LLGL2: variants seen among roughly 807,000 people sequenced by gnomAD.
LLGL2 encodes the protein LLGL scribble cell polarity complex component 2.
In LLGL2, 81 loss-of-function variants were observed where a neutral mutation model predicts 123.2. The observed-to-expected ratio is 0.66, with a 90% CI of 0.55 to 0.79. The LOEUF is 0.79. LLGL2 is among the 30% of genes least tolerant of loss of function. The pLI, the probability that LLGL2 is intolerant of heterozygous loss-of-function variation, is 0.00. For missense variants in LLGL2, 1,273 were observed against 1,414.6 expected, an observed-to-expected ratio of 0.90 and a Z score of 1.61; for synonymous variants, 577 against 594.1, an observed-to-expected ratio of 0.97 and a Z score of 0.42.
Position 75,573,091 on chromosome 17 carries a change from C to T in LLGL2, c.2538C>T (p.Val846=). The change falls in exon 20 of 26, where the codon GTC becomes GTT. Residue 846 remains valine (V), a synonymous_variant. Coordinates refer to ENST00000392550, the MANE Select transcript of LLGL2 (RefSeq NM_001031803.2). ...TGGAGGGCTCAAGAGTGCGGCGGGT[C>T]AGCGTGGCCCACTTCGGCAGTCGTC... ...TALEGSRVRR[V]SVAHFGSRRA... is the part of the protein sequence containing the mutation. 1.2e-6 allele frequency: 2 copies of T among 1,612,698 alleles called. No homozygotes were observed. Among genetic ancestry groups the T allele is most frequent in the Non-Finnish European group, 1.7e-6 (2 of 1,179,896 alleles).
intron 2 of LLGL2, among the ~76,000 whole-genome samples, chr17:75,548,641 A>G (rs2054535682): frequency 1.3e-5 from 2 of 151,548 alleles, no homozygotes; most frequent in South Asian, 4.2e-4. Context: ...CTGTAATCCC[A>G]GCTACTTGAG....
chr17:75,574,526 G>T, intron 24 of LLGL2, 31 bp downstream of exon 24: 1 of 1,573,974 alleles, frequency 6.4e-7, no homozygotes. Context: ...GCTGGGGTGG[G>T]CCCGAGGCTC....
rs2147466256 is a variant in LLGL2, at chr17:75,564,267, CTGAG to C, written c.882-83_882-80del. 3.9e-6 allele frequency: 6 copies of C among 1,537,350 alleles called. No individual in the cohort carries two copies. The highest frequency in any genetic ancestry group is 5.2e-6 in the Non-Finnish European group (6 of 1,146,138). Reference sequence around the variant, plus strand: ...TCTCCCCTGCTCCTGGGGACCTTGACTGAGTGGTGACTTTGATTGCCGGCCTGTG... The same window carrying C: ...TCTCCCCTGCTCCTGGGGACCTTGACTGGTGACTTTGATTGCCGGCCTGTG... On this transcript the variant is annotated intron_variant, in intron 9 of 25. Coordinates refer to ENST00000392550, the MANE Select transcript of LLGL2 (RefSeq NM_001031803.2). This position sits in a 1 kb window ranked among gnomAD's most constrained non-coding sequence, Gnocchi z 4.9.
rs1448988263 is a variant in LLGL2, at chr17:75,571,014, A to G, written c.2090A>G (p.Gln697Arg). 6.2e-7 allele frequency: 1 copy of G among 1,613,074 alleles called. No homozygotes were observed. The highest frequency in any genetic ancestry group is 2.2e-5 in the East Asian group (1 of 44,878). ...GLQNMELAPV[Q>R]RKIEARSAED... ...CAGAACATGGAGCTGGCGCCTGTGC[A>G]GCGCAAGATCGAGGCTCGCTCGGCA... is the stretch of plus-strand genomic sequence containing the variant. The change falls in exon 17 of 26, where the codon CAG (glutamine) becomes CGG (arginine). Residue 697 changes from glutamine to arginine, a missense_variant. Transcript: ENST00000392550.
chr17:75,541,890 C>T (rs1406424508), intron 1 of LLGL2, among the ~76,000 whole-genome samples: 4 of 151,768 alleles, frequency 2.6e-5, no homozygotes, highest in Admixed American at 1.3e-4. Context: ...CCACCACACT[C>T]GGCTAACTTT....
chr17:75,563,731 A>G, intron 8 of LLGL2, 21 bp from the exon 9 acceptor site: 2 of 1,614,036 alleles, frequency 1.2e-6, no homozygotes, highest in South Asian at 1.1e-5. Context: ...GATCCGTTCA[A>G]GCCGATTCCT....
In LLGL2 at chr17:75,568,547, G is replaced by A. The variant is rs370584981; in HGVS notation, c.1108G>A (p.Gly370Ser). The A allele has an allele frequency of 5.6e-6, 9 of 1,613,608 alleles. No homozygotes were observed. Among genetic ancestry groups the A allele is most frequent in the African/African-American group, 4.0e-5 (3 of 74,922 alleles). ...ELVVIDLQTA[G>S]WPPVQLPYLA... ...GGTGGTGATTGACCTGCAGACAGCAGGCTGGCCACCGGTCCAGCTGCCCTA... is the reference window on the plus strand; with the variant it reads ...GGTGGTGATTGACCTGCAGACAGCAAGCTGGCCACCGGTCCAGCTGCCCTA... The change falls in exon 11 of 26, where the codon GGC becomes AGC. Residue 370 changes from glycine to serine, a missense_variant. By Grantham distance (56) the Gly-to-Ser change is moderately conservative. Transcript: ENST00000392550.
At position 75,564,862 on chromosome 17, in the gene LLGL2, CAAAA is replaced by C. The variant is rs33986841; in HGVS notation, c.1036+369_1036+372del. On this transcript the variant is annotated intron_variant, in intron 10 of 25. Transcript: ENST00000392550. This position sits in a 1 kb window ranked among gnomAD's most constrained non-coding sequence, Gnocchi z 4.9. ...TGGGTGACATAGCCAGACTGTGTCT[CAAAA>C]AAAAAAAAAAAAAGGGCTCTGCACA... 2.6e-4 allele frequency: 28 copies of C among 107,732 alleles called. No individual in the cohort carries two copies. The highest frequency in any genetic ancestry group is 9.8e-4 in the South Asian group (3 of 3,066). The allele number at this position is 107,732 out of a possible 1,614,324, so 6.7% of individuals were successfully genotyped here.
chr17:75,571,132 G>C (rs1430822254), intron 17 of LLGL2, 32 bp downstream of exon 17: 2 of 1,517,348 alleles, frequency 1.3e-6, no homozygotes, highest in East Asian at 2.3e-5. Context: ...GGGGGGCAGG[G>C]GGTAGTGGGC....
intron 1 of LLGL2, among the ~76,000 whole-genome samples, chr17:75,534,827 G>A (rs947003379): frequency 3.9e-5 from 6 of 152,184 alleles, no homozygotes; most frequent in Admixed American, 6.5e-5. Flanking sequence ...ACTCTGAATC[G>A]ATCACTTCAT....
In LLGL2 at chr17:75,574,042, G is replaced by A. The variant is rs766542638; in HGVS notation, c.2905+62G>A. 366 of 1,550,454 alleles carry A rather than the reference G, an allele frequency of 2.4e-4. 1 individual carries two copies. The highest frequency in any genetic ancestry group is 5.5e-4 in the Admixed American group (28 of 51,000). The stretch of plus-strand genomic sequence containing the variant: ...CACACCCGGCCCAGACCTGGGGCTG[G>A]ACGGGAGGGAAGGGTCCCGAGTGAG... On this transcript the variant is annotated intron_variant, in intron 22 of 25. Coordinates refer to ENST00000392550, the MANE Select transcript of LLGL2 (RefSeq NM_001031803.2).
At chr17:75,533,210 A>G (rs1306516326) in intron 1 of LLGL2, among the ~76,000 whole-genome samples, 2 of 150,906 alleles carry the variant, frequency 1.3e-5, no homozygotes, top group East Asian at 2.0e-4. Flanking sequence ...CGTGTTAGCC[A>G]GGATGGTCTT....
At position 75,573,140 on chromosome 17, in the gene LLGL2, C is replaced by T. The variant is rs1184688097; in HGVS notation, c.2587C>T (p.His863Tyr). The part of the protein sequence containing the change: ...SRRAEDYGEH[H>Y]LAVLTNLGDI... ...TCGAGCCGAGGACTACGGGGAGCAC[C>T]ACCTGGCAGTCCTTACCAACCTGGG... The change falls in exon 20 of 26, where the codon CAC becomes TAC. Residue 863 changes from histidine to tyrosine, a missense_variant. Coordinates refer to ENST00000392550, the MANE Select transcript of LLGL2 (RefSeq NM_001031803.2). The T allele has an allele frequency of 4.3e-6, 7 of 1,612,978 alleles. No individual in the cohort carries two copies. The African/African-American group carries it at 5.3e-5, about 12-fold the overall frequency.
Position 75,563,806 on chromosome 17 carries a change from G to C in LLGL2, c.881G>C (p.Gly294Ala). ...TRILWLTTRQGLPFTIFQGGM... is the reference protein window; with the variant it reads ...TRILWLTTRQALPFTIFQGGM... ...ATCCTCTGGCTGACCACTAGGCAGG[G>C]GTAGGTATCCATGCTGGTCCTCTTT... The change falls in exon 9 of 26, where the codon GGG (glycine) becomes GCG (alanine). Residue 294 changes from glycine (G) to alanine (A), a missense_variant and splice_region_variant. Physicochemically the swap from Gly to Ala is moderately conservative, Grantham distance 60. Transcript: ENST00000392550. 6.2e-7 allele frequency: 1 copy of C among 1,613,878 alleles called. No individual in the cohort carries two copies. The highest frequency in any genetic ancestry group is 8.5e-7 in the Non-Finnish European group (1 of 1,179,994).
At chr17:75,531,627 G>T (rs373811892) in intron 1 of LLGL2, among the ~76,000 whole-genome samples, 1 of 152,230 alleles carries the variant, frequency 6.6e-6, no homozygotes, top group East Asian at 1.9e-4. Context: ...GGAGCAGTTT[G>T]CAGAGAGAAA....
intron 3 of LLGL2, 70 bp downstream of exon 3, chr17:75,556,213 T>C (rs1310799359): frequency 2.5e-6 from 3 of 1,213,710 alleles, no homozygotes; most frequent in Non-Finnish European, 2.4e-6. Context: ...AGGGACATCT[T>C]TTCCTTCCTT....
Position 75,558,508 on chromosome 17 carries a change from C to T in LLGL2, c.256-4C>T, listed in dbSNP as rs749619974. 5.0e-5 allele frequency: 79 copies of T among 1,581,342 alleles called. 1 individual carries two copies. The South Asian group carries it at 8.9e-4, about 18-fold the overall frequency. On this transcript the variant is annotated splice_polypyrimidine_tract_variant and splice_region_variant and intron_variant, in intron 4 of 25. Transcript: ENST00000392550. This position sits in a 1 kb window ranked among gnomAD's most constrained non-coding sequence, Gnocchi z 4.0. Reference sequence around the variant, plus strand: ...CACATGATCCCGTCGTGTGCCCTCGCCAGTGCCAGCTGGTCACCCTGCTGG... The same window carrying T: ...CACATGATCCCGTCGTGTGCCCTCGTCAGTGCCAGCTGGTCACCCTGCTGG...
intron 1 of LLGL2, chr17:75,532,437 GT>G (rs1466671756): frequency 6.6e-6 from 1 of 151,256 alleles, no homozygotes; most frequent in East Asian, 1.9e-4. Context: ...TTGTTTTTTT[GT>G]TTTGAGTCTG....
rs200220698 is a variant in LLGL2 at position 75,573,597 on chromosome 17, G to A, written c.2842G>A (p.Gly948Ser). ...AETKNHRPGN[G>S]AGPKKAPSRA... ...AACCAAGAACCACCGCCCTGGTAACGGTGCGGGCCCCAAGAAGGCCCCGAG... is the reference window on the plus strand; with the variant it reads ...AACCAAGAACCACCGCCCTGGTAACAGTGCGGGCCCCAAGAAGGCCCCGAG... The change falls in exon 21 of 26, where the codon GGT becomes AGT. Residue 948 changes from glycine to serine, a missense_variant. Coordinates refer to ENST00000392550, the MANE Select transcript of LLGL2 (RefSeq NM_001031803.2). 3.7e-5 allele frequency: 59 copies of A among 1,611,516 alleles called. No homozygotes were observed. In the Middle Eastern group the frequency reaches 9.9e-4, roughly 27 times the overall value.
Sources: allele counts gnomAD v4.1 joint callset (sites outside exome capture counted in the v4.1 genomes callset), GRCh38; gene constraint gnomAD v4.1.1; non-coding constraint Gnocchi (gnomAD v3.1); transcripts MANE v1.5; gene names NCBI Gene and HGNC (gene_info 2026-07-23, HGNC 2026-07-21).